The following LSAMP variants were observed in gnomAD, a reference collection of about 807,000 sequenced individuals.
LSAMP encodes the protein limbic system-associated membrane protein.
LSAMP carries 7 observed loss-of-function variants against 38.6 expected under a neutral mutation model. The observed-to-expected ratio is 0.18, with a 90% CI of 0.10 to 0.34. The LOEUF is 0.34. Ranked by LOEUF, LSAMP falls within the 10% of genes least tolerant of loss-of-function variation. LSAMP has a pLI of 1.00. For synonymous variants in LSAMP, 154 were observed against 166.8 expected (o/e 0.92, Z 0.59); for missense variants, 313 against 420.0 (o/e 0.75, Z 2.23).
chr3:115,909,546 T>C (rs980116911), intron 3 of LSAMP, among the ~76,000 whole-genome samples: 1 of 152,222 alleles, frequency 6.6e-6, no homozygotes, highest in Non-Finnish European at 1.5e-5. Flanking sequence ...GTCCAGTACA[T>C]CTTGGTTTGG....
chr3:116,317,753 A>G (rs1018628489), intron 1 of LSAMP, among the ~76,000 whole-genome samples: 2 of 152,108 alleles, frequency 1.3e-5, no homozygotes, highest in African/African-American at 4.8e-5. Flanking sequence ...GCAAGAAAAG[A>G]GGTTTCTAAG....
intron 6 of LSAMP, among the ~76,000 whole-genome samples, chr3:115,819,673 A>T (rs747674082): frequency 6.6e-6 from 1 of 152,238 alleles, no homozygotes; most frequent in African/African-American, 2.4e-5. Flanking sequence ...TATCAGAAAA[A>T]TTCAGATATG....
intron 1 of LSAMP, among the ~76,000 whole-genome samples, chr3:116,286,618 C>T (rs2047197545): frequency 6.6e-6 from 1 of 152,094 alleles, no homozygotes; most frequent in South Asian, 2.1e-4. Flanking sequence ...TTTGGTCTGT[C>T]TTTCCATCTA....
At chr3:115,876,787 T>G (rs936145511) in intron 3 of LSAMP, among the ~76,000 whole-genome samples, 3 of 152,098 alleles carry the variant, frequency 2.0e-5, no homozygotes, top group African/African-American at 7.2e-5. Context: ...CATACATGTG[T>G]GAGGAAAAAT....
intron 2 of LSAMP, among the ~76,000 whole-genome samples, chr3:116,037,376 A>G (rs1941069560): frequency 2.0e-5 from 3 of 152,152 alleles, no homozygotes; most frequent in Admixed American, 6.6e-5. Flanking sequence ...TCTGGCCTAC[A>G]TAAGTAAGCA....
At position 115,908,058 on chromosome 3, in the gene LSAMP, T is replaced by C. The variant is rs551595958; in HGVS notation, c.515-55441A>G. 4.6e-5 allele frequency among the ~76,000 whole-genome samples: 7 copies of C among 151,956 alleles called. No homozygotes were observed. In the South Asian group the frequency reaches 1.3e-3, roughly 27 times the overall value. On this transcript the variant is annotated intron_variant, in intron 3 of 6. Coordinates refer to ENST00000490035, the MANE Select transcript of LSAMP (RefSeq NM_002338.5). ...TTGAGCCCAATGTATGAAATCCTGG[T>C]GTTTGACCATACAGGGAAGATAAGA... is the stretch of plus-strand genomic sequence containing the variant.
chr3:116,255,531 G>C (rs1268064066), intron 1 of LSAMP, among the ~76,000 whole-genome samples: 1 of 152,176 alleles, frequency 6.6e-6, no homozygotes, highest in Non-Finnish European at 1.5e-5. Context: ...ATTGCACATG[G>C]TCTTCTGACC....
At chr3:115,866,356 C>T (rs112836377) in intron 3 of LSAMP, among the ~76,000 whole-genome samples, 64 of 152,266 alleles carry the variant, frequency 4.2e-4, no homozygotes, top group African/African-American at 1.3e-3. Flanking sequence ...CTTTCCTCTC[C>T]ATCCTACAGT....
chr3:116,272,087 T>C (rs950847583), intron 1 of LSAMP, among the ~76,000 whole-genome samples: 6 of 151,960 alleles, frequency 3.9e-5, no homozygotes, highest in African/African-American at 1.4e-4. Flanking sequence ...TCTTTGTCTT[T>C]GGAAGCATTG....
chr3:116,111,240 T>A (rs1391874662), intron 1 of LSAMP, among the ~76,000 whole-genome samples: 1 of 152,200 alleles, frequency 6.6e-6, no homozygotes, highest in Non-Finnish European at 1.5e-5. Flanking sequence ...TCACTGTCAA[T>A]AGAAACAGTT....
intron 1 of LSAMP, among the ~76,000 whole-genome samples, chr3:116,250,715 C>T (rs1476928752): frequency 7.6e-6 from 1 of 131,242 alleles, no homozygotes; most frequent in Non-Finnish European, 1.6e-5. Flanking sequence ...AAAAAAAATA[C>T]AAATATCAGC....
At chr3:115,997,034 A>C (rs1939834595) in intron 3 of LSAMP, among the ~76,000 whole-genome samples, 1 of 152,148 alleles carries the variant, frequency 6.6e-6, no homozygotes, top group Admixed American at 6.6e-5. Context: ...CATAAGAGTT[A>C]CTTAGTTGTT....
chr3:116,066,467 T>C (rs1707431196), intron 2 of LSAMP, among the ~76,000 whole-genome samples: 1 of 152,208 alleles, frequency 6.6e-6, no homozygotes, highest in Non-Finnish European at 1.5e-5. Context: ...TTTATTGTTC[T>C]TCACACAAAA....
At chr3:116,132,246 A>G (rs904750831) in intron 1 of LSAMP, among the ~76,000 whole-genome samples, 3 of 152,122 alleles carry the variant, frequency 2.0e-5, no homozygotes, top group Non-Finnish European at 4.4e-5. Context: ...ATCAAAAAAA[A>G]AAAAAAAGTC....
intron 4 of LSAMP, among the ~76,000 whole-genome samples, chr3:115,848,231 C>T (rs1002638661): frequency 2.0e-5 from 3 of 152,116 alleles, no homozygotes; most frequent in African/African-American, 7.2e-5. Flanking sequence ...TGAGATCAGC[C>T]TGGTCAACAC....
At chr3:115,918,069 T>G (rs1006807514) in intron 3 of LSAMP, among the ~76,000 whole-genome samples, 1 of 152,198 alleles carries the variant, frequency 6.6e-6, no homozygotes, top group Admixed American at 6.5e-5. Flanking sequence ...CAGGTTCAAC[T>G]GCACATTTTT....
intron 3 of LSAMP, among the ~76,000 whole-genome samples, chr3:115,901,193 G>T (rs879900676): frequency 1.3e-5 from 2 of 152,040 alleles, no homozygotes; most frequent in Admixed American, 1.3e-4. Context: ...GAGAGTCTGT[G>T]CTTAATCTGT....
intron 1 of LSAMP, among the ~76,000 whole-genome samples, chr3:116,157,537 T>C (rs72961512): frequency 0.034 from 5,221 of 151,826 alleles, 234 homozygotes; most frequent in African/African-American, 0.1. Context: ...ATGGCAAAAA[T>C]ATATTTCAAA....
chr3:115,878,453 C>CTTTTTTT (rs3087024), intron 3 of LSAMP, among the ~76,000 whole-genome samples: 1 of 55,514 alleles, frequency 1.8e-5, no homozygotes, highest in African/African-American at 7.2e-5. Flanking sequence ...ACATGCTATT[C>CTTTTTTT]TTTTTTTTTT....
Sources: gnomAD v4.1 joint callset for allele counts (sites outside exome capture counted in the v4.1 genomes callset) on GRCh38, gnomAD v4.1.1 for gene constraint, MANE v1.5 for transcripts, NCBI Gene and HGNC (gene_info 2026-07-23, HGNC 2026-07-21) for gene names.